The following MCU variants were observed in gnomAD, a reference collection of about 807,000 sequenced individuals.
MCU encodes mitochondrial calcium uniporter.
Under a neutral mutation model 45.2 loss-of-function variants are expected in MCU, and 12 were observed. The observed-to-expected ratio is 0.27, with a 90% confidence interval of 0.17 to 0.43. The LOEUF (loss-of-function observed/expected upper bound fraction) is 0.43. Among genes scored for constraint, MCU ranks in the 20% least tolerant of loss-of-function variants. The pLI, the probability that MCU is intolerant of heterozygous loss-of-function variation, is 1.00. For missense variants in MCU, 324 were observed against 436.7 expected (o/e 0.74, Z 2.30); for synonymous variants, 160 against 165.1 (o/e 0.97, Z 0.24).
Position 72,859,325 on chromosome 10 carries a change from C to T in MCU, c.369C>T (p.Asp123=), listed in dbSNP as rs34072881. The T allele has an allele frequency of 0.011, 17,910 of 1,612,454 alleles. 1,720 individuals carry two copies. The African/African-American group carries it at 0.21, about 19-fold the overall frequency. The change falls in exon 3 of 8, where the codon GAC becomes GAT. Residue 123 remains aspartate (D), a synonymous_variant. Transcript: ENST00000373053. ...TGCAAGAAGAGGATCGGGGAATTGA[C>T]AGAGTTGCTATCTATTCACCAGGTA... The part of the protein sequence containing the change: ...RQLQEEDRGI[D]RVAIYSPDGV...
At chr10:72,707,974 CA>C (rs61042384) in intron 1 of MCU, among the ~76,000 whole-genome samples, 1 of 150,228 alleles carries the variant, frequency 6.7e-6, no homozygotes, top group Non-Finnish European at 1.5e-5. Context: ...ACGTTCAGTT[CA>C]AAAAAAAACT....
intron 1 of MCU, among the ~76,000 whole-genome samples, chr10:72,826,344 G>C (rs532165130): frequency 6.6e-6 from 1 of 152,070 alleles, no homozygotes; most frequent in South Asian, 2.1e-4. Flanking sequence ...AGTTCTATAA[G>C]GAATAGACAC....
intron 5 of MCU, among the ~76,000 whole-genome samples, chr10:72,869,188 G>A (rs1363183943): frequency 6.6e-6 from 1 of 152,230 alleles, no homozygotes; most frequent in Non-Finnish European, 1.5e-5. Context: ...TTTTAGCCAA[G>A]TTAAGAATGA....
At chr10:72,862,298 G>A (rs981442662) in intron 4 of MCU, among the ~76,000 whole-genome samples, 1 of 151,880 alleles carries the variant, frequency 6.6e-6, no homozygotes, top group Non-Finnish European at 1.5e-5. Flanking sequence ...GTCTTTTTTG[G>A]TCCTGTTTCT....
chr10:72,747,233 G>C (rs868188338), intron 1 of MCU, among the ~76,000 whole-genome samples: 2 of 152,172 alleles, frequency 1.3e-5, no homozygotes, highest in Non-Finnish European at 2.9e-5. Flanking sequence ...GTTGTTTGCA[G>C]ATATTTCAGG....
intron 1 of MCU, among the ~76,000 whole-genome samples, chr10:72,715,531 C>T (rs1032361691): frequency 6.6e-6 from 1 of 152,218 alleles, no homozygotes; most frequent in Non-Finnish European, 1.5e-5. Flanking sequence ...CACAGTTACT[C>T]TGGTCTCCTG....
chr10:72,870,810 T>C (rs1340624995), intron 5 of MCU, among the ~76,000 whole-genome samples: 2 of 152,226 alleles, frequency 1.3e-5, no homozygotes, highest in African/African-American at 4.8e-5. Flanking sequence ...TGTGACTGGA[T>C]GAAGACCTCT....
At chr10:72,725,194 C>A (rs978723548) in intron 1 of MCU, among the ~76,000 whole-genome samples, 10 of 150,634 alleles carry the variant, frequency 6.6e-5, no homozygotes, top group African/African-American at 2.4e-4. Context: ...GGTGTGATCT[C>A]GGCTCACTGT....
chr10:72,695,628 A>C (rs1463140590), intron 1 of MCU, among the ~76,000 whole-genome samples: 1 of 152,130 alleles, frequency 6.6e-6, no homozygotes, highest in African/African-American at 2.4e-5. Context: ...CACTTTACAC[A>C]TGAGGAAACC....
chr10:72,834,277 G>A, intron 1 of MCU, 82 bp from the exon 2 acceptor site: 1 of 925,836 alleles, frequency 1.1e-6, no homozygotes, highest in Non-Finnish European at 1.6e-6. Context: ...GTAATCATAT[G>A]TATATATTTA....
At chr10:72,759,390 C>T (rs1374577719) in intron 1 of MCU, among the ~76,000 whole-genome samples, 1 of 152,142 alleles carries the variant, frequency 6.6e-6, no homozygotes, top group Admixed American at 6.5e-5. Context: ...GATAACATAA[C>T]CGATTAGGTC....
intron 2 of MCU, among the ~76,000 whole-genome samples, chr10:72,854,408 GATA>G (rs1312697516): frequency 6.6e-6 from 1 of 152,152 alleles, no homozygotes; most frequent in Admixed American, 6.5e-5. Context: ...TTCTTTAAAA[GATA>G]ATCAAAAGGT....
intron 1 of MCU, among the ~76,000 whole-genome samples, chr10:72,780,645 G>C (rs1843978724): frequency 6.6e-6 from 1 of 151,466 alleles, no homozygotes; most frequent in South Asian, 2.1e-4. Flanking sequence ...GGAACACCAG[G>C]GCTACTTGAT....
chr10:72,881,363 C>T (rs556812935), intron 6 of MCU, among the ~76,000 whole-genome samples: 51 of 152,038 alleles, frequency 3.4e-4, no homozygotes, highest in African/African-American at 1.1e-3. Context: ...ATTTCTTACA[C>T]GGAATGAAAA....
chr10:72,838,077 G>A (rs2132839844), intron 2 of MCU, among the ~76,000 whole-genome samples: 1 of 151,606 alleles, frequency 6.6e-6, no homozygotes, highest in African/African-American at 2.4e-5. Flanking sequence ...TGGCCAGGAT[G>A]GTCTCGATCT....
intron 1 of MCU, among the ~76,000 whole-genome samples, chr10:72,792,325 CA>C (rs1478334505): frequency 8.5e-5 from 13 of 152,158 alleles, no homozygotes; most frequent in African/African-American, 3.1e-4. Flanking sequence ...TATTTTGAAG[CA>C]GGGGCTTACA....
At chr10:72,694,620 C>G (rs189698891) in intron 1 of MCU, among the ~76,000 whole-genome samples, 11 of 152,242 alleles carry the variant, frequency 7.2e-5, no homozygotes, top group Admixed American at 7.2e-4. Flanking sequence ...GTAAAGGTCC[C>G]TGAGAGACAC....
chr10:72,744,484 G>C (rs1020902888), intron 1 of MCU, among the ~76,000 whole-genome samples: 1 of 152,110 alleles, frequency 6.6e-6, no homozygotes, highest in Admixed American at 6.6e-5. Context: ...TTGTTAACTG[G>C]TTCCTTAAAT....
chr10:72,852,361 A>G (rs780833212), intron 2 of MCU, among the ~76,000 whole-genome samples: 5 of 152,200 alleles, frequency 3.3e-5, no homozygotes, highest in Non-Finnish European at 7.4e-5. Context: ...GAAACAGACT[A>G]TTCCTTTGGA....
Sources: gnomAD v4.1 joint callset for allele counts (sites outside exome capture counted in the v4.1 genomes callset) on GRCh38, gnomAD v4.1.1 for gene constraint, MANE v1.5 for transcripts, NCBI Gene and HGNC (gene_info 2026-07-23, HGNC 2026-07-21) for gene names.